COL5A1: variants seen among roughly 807,000 people sequenced by gnomAD.
COL5A1 encodes collagen type V alpha 1 chain.
A neutral mutation model predicts 263.7 loss-of-function variants in COL5A1; 16 were observed. The observed-to-expected ratio is 0.06, with a 90% confidence interval of 0.04 to 0.09. The LOEUF (loss-of-function observed/expected upper bound fraction) is 0.09. COL5A1 is among the 10% of genes least tolerant of loss of function. The pLI is 1.00. For synonymous variants in COL5A1, 1,012 were observed against 1,004.5 expected (o/e 1.01, Z -0.14); for missense variants, 2,036 against 2,540.5 (o/e 0.80, Z 4.27).
chr9:134,793,289 A>G (rs1010465304), intron 32 of COL5A1, among the ~76,000 whole-genome samples: 9 of 152,070 alleles, frequency 5.9e-5, no homozygotes, highest in African/African-American at 1.4e-4. Context: ...TTGGCTTCCC[A>G]GCATGGCCAT....
At chr9:134,790,264 A>G (rs1236465589) in intron 32 of COL5A1, among the ~76,000 whole-genome samples, 4 of 152,186 alleles carry the variant, frequency 2.6e-5, no homozygotes, top group Non-Finnish European at 5.9e-5. Flanking sequence ...GGAGACTATT[A>G]TCTCCATCTC....
rs150536688 is a variant in COL5A1 at position 134,700,158 on chromosome 9, G to C, written c.491+36G>C. The C allele has an allele frequency of 6.6e-4, 1,045 of 1,581,850 alleles. 8 individuals are homozygous for C. The African/African-American group carries it at 0.012, about 19-fold the overall frequency. On this transcript the variant is annotated intron_variant, in intron 3 of 65. Transcript: ENST00000371817. The surrounding 1 kb of genome is among the most constrained non-coding windows in gnomAD (Gnocchi z 4.0). ...ACTTCTGGGCAACTGTCCCCCTGCT[G>C]GAGGGGGGATCAGGCCAGCTCATAC... is the stretch of plus-strand genomic sequence containing the variant.
chr9:134,825,931 C>T (rs750842304), intron 63 of COL5A1, 27 bp downstream of exon 63: 3 of 1,507,526 alleles, frequency 2.0e-6, no homozygotes, highest in Admixed American at 1.7e-5. Flanking sequence ...CTCCATGGCC[C>T]CAGCGGGGCA....
chr9:134,727,130 G>A (rs1458343403), intron 4 of COL5A1, 136 bp from the exon 5 acceptor site: 1 of 890,888 alleles, frequency 1.1e-6, no homozygotes, highest in Non-Finnish European at 1.8e-6. Flanking sequence ...TAGGGAGAAT[G>A]TTTGGCTCTG....
chr9:134,836,997 G>A (rs147150524), intron 65 of COL5A1, among the ~76,000 whole-genome samples: 28 of 152,318 alleles, frequency 1.8e-4, no homozygotes, highest in African/African-American at 6.0e-4. Flanking sequence ...GACCTTACCC[G>A]TCCTCCCCAA....
At chr9:134,822,935 G>A in intron 59 of COL5A1, 63 bp from the exon 60 acceptor site, 2 of 1,598,952 alleles carry the variant, frequency 1.3e-6, no homozygotes, top group Non-Finnish European at 1.7e-6. Context: ...GGCAGGACAT[G>A]GAGCACGGTG....
rs139102890 is a variant in COL5A1, at chr9:134,780,748, C to T, written c.2430+602C>T. The stretch of plus-strand genomic sequence containing the variant: ...GCTTGGGTGCAGCCTGCAGCGGCGA[C>T]AGCCTGAGCCACATGGAGCTGCGTG... On this transcript the variant is annotated intron_variant, in intron 28 of 65. Transcript: ENST00000371817. 4.6e-3 allele frequency among the ~76,000 whole-genome samples: 696 copies of T among 152,348 alleles called. 7 individuals carry two copies. The highest frequency in any genetic ancestry group is 0.019 in the South Asian group (91 of 4,828).
At chr9:134,698,740 C>T (rs1271699193) in intron 2 of COL5A1, among the ~76,000 whole-genome samples, 4 of 152,270 alleles carry the variant, frequency 2.6e-5, no homozygotes, top group Non-Finnish European at 1.5e-5. Flanking sequence ...GCTGCTGCCG[C>T]AGATCCAGAC....
intron 19 of COL5A1, among the ~76,000 whole-genome samples, chr9:134,762,303 T>A (rs1235571609): frequency 6.6e-6 from 1 of 152,206 alleles, no homozygotes; most frequent in Non-Finnish European, 1.5e-5. Flanking sequence ...CCAGAGCGTT[T>A]ACTGAGCTCA....
At chr9:134,771,855 G>T (rs144257494) in intron 25 of COL5A1, among the ~76,000 whole-genome samples, 1 of 152,290 alleles carries the variant, frequency 6.6e-6, no homozygotes, top group East Asian at 1.9e-4. Context: ...TGGAATCCTC[G>T]TTGGTGGAAC....
At chr9:134,792,972 G>T (rs1564462569) in intron 32 of COL5A1, among the ~76,000 whole-genome samples, 1 of 151,878 alleles carries the variant, frequency 6.6e-6, no homozygotes, top group Non-Finnish European at 1.5e-5. Flanking sequence ...CTGTCTGCCT[G>T]CTGTCTGTCT....
At position 134,664,783 on chromosome 9, in the gene COL5A1, C is replaced by T. The variant is rs146090670; in HGVS notation, c.109+22487C>T. On this transcript the variant is annotated intron_variant, in intron 1 of 65. Transcript: ENST00000371817. Reference sequence around the variant, plus strand: ...AAGCATTAAAACACATGTACTTGGCCGGGCATGGTGGCTCATGCCTATATT... The same window carrying T: ...AAGCATTAAAACACATGTACTTGGCTGGGCATGGTGGCTCATGCCTATATT... Among the ~76,000 whole-genome samples, 716 of 152,276 alleles carry T rather than the reference C, an allele frequency of 4.7e-3. 7 individuals are homozygous for T. The highest frequency in any genetic ancestry group is 0.016 in the African/African-American group (655 of 41,550).
At chr9:134,792,845 GTGTGCGCACACGTGTGTGTGCGCGCGTT>G (rs1461513761) in intron 32 of COL5A1, among the ~76,000 whole-genome samples, 4 of 150,806 alleles carry the variant, frequency 2.7e-5, no homozygotes, top group African/African-American at 9.8e-5. Flanking sequence ...GTGTATGTGT[GTGTGCGCACACGTGTGTGTGCGCGCGTT>G]TGTGCACACG....
intron 45 of COL5A1, 38 bp downstream of exon 45, chr9:134,811,430 C>A (rs369725191): frequency 3.1e-6 from 5 of 1,613,198 alleles, no homozygotes; most frequent in Non-Finnish European, 4.2e-6. Flanking sequence ...AAAAGCCCCA[C>A]GCCCCCCCAG....
chr9:134,752,450 ACCT>A, intron 13 of COL5A1, 136 bp from the exon 14 acceptor site: 1 of 649,382 alleles, frequency 1.5e-6, no homozygotes, highest in Non-Finnish European at 2.8e-6. Flanking sequence ...GAGTCATCAG[ACCT>A]CCTTTTCCAG....
intron 18 of COL5A1, among the ~76,000 whole-genome samples, chr9:134,761,603 A>C (rs547847722): frequency 1.2e-4 from 19 of 152,304 alleles, no homozygotes; most frequent in African/African-American, 4.6e-4. Flanking sequence ...CACCTGGAGC[A>C]CTTGGGCTGA....
chr9:134,718,478 G>A (rs757948925), intron 4 of COL5A1, among the ~76,000 whole-genome samples: 6 of 152,240 alleles, frequency 3.9e-5, no homozygotes, highest in African/African-American at 9.6e-5. Context: ...GTCTGGAGCC[G>A]CTGGTGCTGG....
rs777444130 is a variant in COL5A1, at chr9:134,830,161, C to T, written c.5136+117C>T. The T allele has an allele frequency of 8.1e-6, 13 of 1,610,938 alleles. 1 individual carries two copies. The East Asian group carries it at 1.3e-4, about 17-fold the overall frequency. ...AGCCTTCCACCTGGTATAGTCAGTA[C>T]AAGCGGGGGTCCCTGGTAAGTGGCC... On this transcript the variant is annotated intron_variant, in intron 64 of 65. Transcript: ENST00000371817.
chr9:134,761,968 A>C lies in COL5A1; in HGVS notation c.1979A>C (p.Asp660Ala). Residue 660 changes from aspartate (D) to alanine (A), a missense_variant, in exon 19 of 66, where the codon GAT becomes GCT. Around this residue, in one of 3 missense-constraint regions of COL5A1, gnomAD observed 1,078 missense variants for 1,521.4 expected, o/e 0.71. Coordinates refer to ENST00000371817, the MANE Select transcript of COL5A1 (RefSeq NM_000093.5). The stretch of plus-strand genomic sequence containing the variant: ...GGCCCACCAGGACCTCCGGGAGACG[A>C]TGGAGAAAGGGTAGGTATTCTGCCG... ...PSGPPGPPGD[D>A]GERGDDGEVG... The C allele has an allele frequency of 6.2e-7, 1 of 1,613,456 alleles. No individual in the cohort carries two copies. The highest frequency in any genetic ancestry group is 8.5e-7 in the Non-Finnish European group (1 of 1,179,986).
Sources: gnomAD v4.1 joint callset for allele counts (sites outside exome capture counted in the v4.1 genomes callset) on GRCh38, gnomAD v4.1.1 for gene constraint, gnomAD v4.1.1 regional missense constraint, Gnocchi (gnomAD v3.1) non-coding constraint, MANE v1.5 for transcripts, NCBI Gene and HGNC (gene_info 2026-07-23, HGNC 2026-07-21) for gene names.